The following ETV5 variants were observed in gnomAD, a reference collection of about 807,000 sequenced individuals.
ETV5 encodes ETS variant transcription factor 5, also known as ETS translocation variant 5.
In ETV5, 10 loss-of-function variants were observed where a neutral mutation model predicts 70.0. The observed-to-expected ratio is 0.14, with a 90% CI of 0.09 to 0.24. ETV5 has a LOEUF of 0.24. Ranked by LOEUF, ETV5 falls within the 10% of genes least tolerant of loss-of-function variation. The probability of loss-of-function intolerance (pLI) is 1.00; values close to 1 mark genes in which losing one functional copy is unlikely to be tolerated. For synonymous variants in ETV5, 216 were observed against 242.2 expected (o/e 0.89, Z 1.01); for missense variants, 453 against 651.2 (o/e 0.70, Z 3.31).
chr3:186,084,462 T>C (rs761344909), intron 5 of ETV5, among the ~76,000 whole-genome samples: 8 of 70,030 alleles, frequency 1.1e-4, no homozygotes, highest in Non-Finnish European at 1.9e-4. Flanking sequence ...TCTTTCTGTC[T>C]TCATTCATTC....
At chr3:186,079,049 A>G in intron 7 of ETV5, 3 of 1,065,410 alleles carry the variant, frequency 2.8e-6, no homozygotes, top group Non-Finnish European at 3.4e-6. Context: ...ACCATCTTGC[A>G]TCCTTTGGTA....
intron 9 of ETV5, among the ~76,000 whole-genome samples, chr3:186,058,033 A>G (rs755269238): frequency 6.6e-6 from 1 of 152,250 alleles, no homozygotes; most frequent in Non-Finnish European, 1.5e-5. Flanking sequence ...TTTCGAAAGC[A>G]GTATTGGGGG....
Position 186,052,071 on chromosome 3 carries a change from G to A in ETV5, c.1270C>T (p.Arg424Cys), listed in dbSNP as rs1560044080. The change falls in exon 12 of 13, where the codon CGC (arginine) becomes TGC (cysteine). Residue 424 changes from arginine (R) to cysteine (C), a missense_variant. By Grantham distance (180) the Arg-to-Cys change is radical. Transcript: ENST00000306376. The surrounding 1 kb of genome is among the most constrained non-coding windows in gnomAD (Gnocchi z 4.5). ...TTTTCATAGTAATAGCGGAGAGAGC[G>A]GCTCAGCTTGTCATAGTTCATGGCT... ...RPAMNYDKLSRSLRYYYEKGI... is the reference protein window; with the variant it reads ...RPAMNYDKLSCSLRYYYEKGI... The A allele has an allele frequency of 1.2e-6, 2 of 1,613,910 alleles. No individual in the cohort carries two copies. Among genetic ancestry groups the A allele is most frequent in the Non-Finnish European group, 1.7e-6 (2 of 1,179,904 alleles).
At chr3:186,090,746 TC>T (rs1396543835) in intron 5 of ETV5, among the ~76,000 whole-genome samples, 2 of 152,188 alleles carry the variant, frequency 1.3e-5, no homozygotes, top group Non-Finnish European at 2.9e-5. Flanking sequence ...TGGTTCTCCT[TC>T]ATTTTCTTCC....
chr3:186,048,824 C>A lies in ETV5; in HGVS notation c.1348G>T (p.Asp450Tyr). ...GERYVYKFVCDPDALFSMAFP... is the reference protein window; with the variant it reads ...GERYVYKFVCYPDALFSMAFP... ...GCCATGGAGAAGAGGGCATCTGGGT[C>A]ACAGACAAATTTGTAGACGTATCGC... The change falls in exon 13 of 13, where the codon GAC becomes TAC. Residue 450 changes from aspartate (D) to tyrosine (Y), a missense_variant. Around this residue, in one of 4 missense-constraint regions of ETV5, gnomAD observed 74 missense variants for 95.2 expected, o/e 0.78. Transcript: ENST00000306376. The A allele has an allele frequency of 6.2e-7, 1 of 1,614,072 alleles. No individual in the cohort carries two copies. Among genetic ancestry groups the A allele is most frequent in the South Asian group, 1.1e-5 (1 of 91,058 alleles).
intron 11 of ETV5, among the ~76,000 whole-genome samples, chr3:186,056,768 G>GA (rs1160947119): frequency 1.3e-5 from 2 of 152,216 alleles, no homozygotes; most frequent in African/African-American, 2.4e-5. Flanking sequence ...AACAGCACCT[G>GA]AAAAAGACTT....
rs1257362440 is a variant in ETV5 at position 186,057,236 on chromosome 3, T to C, written c.1048A>G (p.Lys350Glu). 6.2e-7 allele frequency: 1 copy of C among 1,614,176 alleles called. No individual in the cohort carries two copies. Among genetic ancestry groups the C allele is most frequent in the East Asian group, 2.2e-5 (1 of 44,886 alleles). The change falls in exon 11 of 13, where the codon AAA (lysine) becomes GAA (glutamate). Residue 350 changes from lysine (K) to glutamate (E), a missense_variant. By Grantham distance (56) the Lys-to-Glu change is moderately conservative. Around this residue, in one of 4 missense-constraint regions of ETV5, gnomAD observed 307 missense variants for 344.9 expected, o/e 0.89. Transcript: ENST00000306376. The surrounding 1 kb of genome is among the most constrained non-coding windows in gnomAD (Gnocchi z 4.9). ...VVPERLEGKV[K>E]QEPTMYREGP... is the part of the protein sequence containing the mutation. ...TCTCGATACATGGTAGGCTCCTGTT[T>C]GACTTTGCCTGTTTGGGACAAGGAC...
At chr3:186,087,063 G>A (rs1714075987) in intron 5 of ETV5, among the ~76,000 whole-genome samples, 1 of 152,146 alleles carries the variant, frequency 6.6e-6, no homozygotes, top group African/African-American at 2.4e-5. Flanking sequence ...GATAGATCAT[G>A]CTCGTGGATT....
intron 7 of ETV5, 95 bp downstream of exon 7, chr3:186,079,722 A>G (rs546548792): frequency 7.4e-7 from 1 of 1,354,916 alleles, no homozygotes; most frequent in East Asian, 2.5e-5. Flanking sequence ...ACTTTTTAGG[A>G]ACCTGGTAAA....
At chr3:186,096,298 C>G (rs1714301272) in intron 5 of ETV5, among the ~76,000 whole-genome samples, 1 of 152,152 alleles carries the variant, frequency 6.6e-6, no homozygotes, top group Non-Finnish European at 1.5e-5. Flanking sequence ...GCTCCAGGAT[C>G]CGGCCTTTAC....
At chr3:186,067,946 G>A (rs1560048225) in intron 7 of ETV5, among the ~76,000 whole-genome samples, 1 of 152,010 alleles carries the variant, frequency 6.6e-6, no homozygotes. Context: ...ATCTCAAGAG[G>A]AAAAAAATGG....
chr3:186,070,008 C>T (rs1713562863), intron 7 of ETV5, among the ~76,000 whole-genome samples: 1 of 151,934 alleles, frequency 6.6e-6, no homozygotes, highest in African/African-American at 2.4e-5. Flanking sequence ...GATAGGGTTT[C>T]ACCACATTGG....
At chr3:186,088,684 C>T (rs1018400462) in intron 5 of ETV5, among the ~76,000 whole-genome samples, 1 of 152,138 alleles carries the variant, frequency 6.6e-6, no homozygotes, top group Non-Finnish European at 1.5e-5. Flanking sequence ...ATAACAAGGA[C>T]ACTGGCAAAA....
chr3:186,078,873 G>C (rs986245418), intron 7 of ETV5, among the ~76,000 whole-genome samples: 1 of 151,984 alleles, frequency 6.6e-6, no homozygotes, highest in African/African-American at 2.4e-5. Context: ...TTTTTCCCCT[G>C]CATTTCATCT....
At chr3:186,106,577 A>G (rs775887854) in intron 1 of ETV5, among the ~76,000 whole-genome samples, 1 of 152,238 alleles carries the variant, frequency 6.6e-6, no homozygotes, top group Admixed American at 6.5e-5. Context: ...ACTTACAGAG[A>G]TATTTGTGAC....
chr3:186,057,069 G>A lies in ETV5; in HGVS notation c.1209+6C>T, dbSNP rs973255964. 3 of 1,613,952 alleles carry A rather than the reference G, an allele frequency of 1.9e-6. No homozygotes were observed. On this transcript the variant is annotated splice_donor_region_variant and intron_variant, in intron 11 of 12. Coordinates refer to ENST00000306376, the MANE Select transcript of ETV5 (RefSeq NM_004454.3). This position sits in a 1 kb window ranked among gnomAD's most constrained non-coding sequence, Gnocchi z 4.9. ...AACCCGTCTGAGTCCAGCATCCAGT[G>A]CATACCTCTTCCGGTTCTATCAGCT...
At chr3:186,096,573 T>C (rs1383668397) in intron 5 of ETV5, among the ~76,000 whole-genome samples, 3 of 152,014 alleles carry the variant, frequency 2.0e-5, no homozygotes, top group Non-Finnish European at 4.4e-5. Flanking sequence ...TGCCCAGGCC[T>C]GTTCTTTTTT....
rs541624261 is a variant in ETV5, at chr3:186,073,299, G to A, written c.650+6518C>T. ...TTAGTATAGTTTATGTAAAATAAAA[G>A]TGATTTTCAAAAAGTAAAATTGTCA... On this transcript the variant is annotated intron_variant, in intron 7 of 12. Coordinates refer to ENST00000306376, the MANE Select transcript of ETV5 (RefSeq NM_004454.3). Among the ~76,000 whole-genome samples, 30 of 152,320 alleles carry A rather than the reference G, an allele frequency of 2.0e-4. No homozygotes were observed. The South Asian group carries it at 5.6e-3, about 28-fold the overall frequency.
intron 9 of ETV5, among the ~76,000 whole-genome samples, chr3:186,063,914 A>C (rs1397351848): frequency 6.6e-6 from 1 of 152,214 alleles, no homozygotes; most frequent in Admixed American, 6.5e-5. Context: ...CAAACTAAGT[A>C]AAAAACCTAG....
Sources: gnomAD v4.1 joint callset for allele counts (sites outside exome capture counted in the v4.1 genomes callset) on GRCh38, gnomAD v4.1.1 for gene constraint, gnomAD v4.1.1 regional missense constraint, Gnocchi (gnomAD v3.1) non-coding constraint, MANE v1.5 for transcripts, NCBI Gene and HGNC (gene_info 2026-07-23, HGNC 2026-07-21) for gene names.